Variants in MSI1 observed in about 807,000 individuals in gnomAD.
The protein encoded by MSI1 is musashi RNA binding protein 1.
A neutral mutation model predicts 54.4 loss-of-function variants in MSI1; 15 were observed. That is an observed-to-expected ratio of 0.28 (90% CI 0.18 to 0.42). MSI1 has a LOEUF of 0.42. Ranked by LOEUF, MSI1 falls within the 20% of genes least tolerant of loss-of-function variation. The probability of loss-of-function intolerance (pLI) is 1.00; values close to 1 mark genes in which losing one functional copy is unlikely to be tolerated. For missense variants in MSI1, 304 were observed against 506.0 expected, an observed-to-expected ratio of 0.60 and a Z score of 3.83; for synonymous variants, 200 against 196.5, an observed-to-expected ratio of 1.02 and a Z score of -0.15.
intron 7 of MSI1, among the ~76,000 whole-genome samples, chr12:120,358,217 A>G (rs1033169383): frequency 2.6e-5 from 4 of 152,264 alleles, no homozygotes; most frequent in African/African-American, 9.6e-5. Flanking sequence ...CAAAGAGGGA[A>G]GAAGGAACAC....
intron 7 of MSI1, among the ~76,000 whole-genome samples, chr12:120,358,505 C>T (rs1049760936): frequency 6.6e-6 from 1 of 152,242 alleles, no homozygotes; most frequent in African/African-American, 2.4e-5. Flanking sequence ...CCTGGGTGTG[C>T]CCCAGGGACT....
Position 120,368,604 on chromosome 12 carries a change from C to A in MSI1, c.100+229G>T, listed in dbSNP as rs921333687. ...CCGCCGGCGGGTCCCGGGGGCCCAGCCCACCCCCCGATACCCCCTGAACCC... is the reference window on the plus strand; with the variant it reads ...CCGCCGGCGGGTCCCGGGGGCCCAGACCACCCCCCGATACCCCCTGAACCC... On this transcript the variant is annotated intron_variant, in intron 2 of 14. Coordinates refer to ENST00000257552, the MANE Select transcript of MSI1 (RefSeq NM_002442.4). This position sits in a 1 kb window ranked among gnomAD's most constrained non-coding sequence, Gnocchi z 6.6. Among the ~76,000 whole-genome samples, 4 of 151,914 alleles carry A rather than the reference C, an allele frequency of 2.6e-5. No individual in the cohort carries two copies. The highest frequency in any genetic ancestry group is 5.9e-5 in the Non-Finnish European group (4 of 67,906).
chr12:120,360,270 CCA>C (rs1875522817), intron 6 of MSI1, among the ~76,000 whole-genome samples: 1 of 152,182 alleles, frequency 6.6e-6, no homozygotes, highest in Non-Finnish European at 1.5e-5. Context: ...CAGGCGTGAG[CCA>C]CCAGGCCCGA....
In MSI1 at chr12:120,341,705, T is replaced by C. The variant is rs2136868595; in HGVS notation, c.*1422A>G. On this transcript the variant is annotated 3_prime_UTR_variant, in exon 15 of 15. Transcript: ENST00000257552. ...CAGCCGCGCATCTCAGTAACAAAGA[T>C]TATTGCTTTGTGTTCTCAGGGCTGA... 6.6e-6 allele frequency: 1 copy of C among 150,852 alleles called. No individual in the cohort carries two copies. Among genetic ancestry groups the C allele is most frequent in the African/African-American group, 2.4e-5 (1 of 40,948 alleles). The allele number at this position is 150,852 out of a possible 1,614,324, so 9.3% of individuals were successfully genotyped here.
Position 120,363,066 on chromosome 12 carries a change from G to C in MSI1, c.379C>G (p.Gln127Glu), listed in dbSNP as rs1227350893. The change falls in exon 6 of 15, where the codon CAA becomes GAA. Residue 127 changes from glutamine (Q) to glutamate (E), a missense_variant. Physicochemically the swap from Gln to Glu is conservative, Grantham distance 29 (BLOSUM62 2). Transcript: ENST00000257552. ...SVNTTVEDVK[Q>E]YFEQFGKVDD... ...ACCTTCCCAAACTGCTCAAAATATT[G>C]CTTCACGTCCTCCACCGTGGTGTTC... The C allele has an allele frequency of 1.9e-6, 3 of 1,614,036 alleles. No homozygotes were observed. The East Asian group carries it at 6.7e-5, about 36-fold the overall frequency.
chr12:120,353,195 C>T, intron 10 of MSI1, 104 bp downstream of exon 10: 2 of 1,117,896 alleles, frequency 1.8e-6, no homozygotes, highest in East Asian at 4.8e-5. Flanking sequence ...AAGCCTCCAG[C>T]AAGCAGACCC....
At chr12:120,367,861 G>T in intron 4 of MSI1, 147 bp downstream of exon 4, 2 of 771,392 alleles carry the variant, frequency 2.6e-6, no homozygotes, top group Non-Finnish European at 4.1e-6. Context: ...TAGTGACAAA[G>T]TTTCAGAGCA....
At chr12:120,345,676 G>A in intron 13 of MSI1, 44 bp from the exon 14 acceptor site, 1 of 1,605,958 alleles carries the variant, frequency 6.2e-7, no homozygotes, top group Non-Finnish European at 8.5e-7. Flanking sequence ...GGGAAATAGA[G>A]GAAGATCAGG....
Position 120,345,608 on chromosome 12 carries a change from T to C in MSI1, c.1072A>G (p.Thr358Ala). Residue 358 changes from threonine (T) to alanine (A), a missense_variant, in exon 14 of 15, where the codon ACC becomes GCC. By Grantham distance (58) the Thr-to-Ala change is moderately conservative (BLOSUM62 0). This residue lies in a region of MSI1 where 147 missense variants were observed against 231.5 expected (regional missense o/e 0.64). Transcript: ENST00000257552. ...LGGPLIATAF[T>A]NGYH ...CCCCTGCTTCAGTGGTACCCATTGG[T>C]GAAGGCTGTGGCAATCAAAGGGCCC... 6.2e-7 allele frequency: 1 copy of C among 1,613,746 alleles called. No individual in the cohort carries two copies. The highest frequency in any genetic ancestry group is 8.5e-7 in the Non-Finnish European group (1 of 1,179,914).
Position 120,369,119 on chromosome 12 carries a change from G to GAGC in MSI1, c.-31_-29dup, listed in dbSNP as rs1372227327. ...GGAGCCGCGGGCGGCGCGGGCAGCG[G>GAGC]AGCGGCGGCGGCGGCGGCGGCGGCG... On this transcript the variant is annotated 5_prime_UTR_variant, in exon 1 of 15. Transcript: ENST00000257552. The GAGC allele has an allele frequency of 2.0e-6, 2 of 1,005,674 alleles. No homozygotes were observed. Among genetic ancestry groups the GAGC allele is most frequent in the African/African-American group, 1.8e-5 (1 of 56,886 alleles). 62.3% of individuals were successfully genotyped at this position (1,005,674 alleles called of 1,614,324 possible).
chr12:120,357,729 C>T, intron 8 of MSI1, 87 bp downstream of exon 8: 1 of 1,324,914 alleles, frequency 7.5e-7, no homozygotes, highest in Non-Finnish European at 1.1e-6. Flanking sequence ...TGGTCTCAAA[C>T]TCCTGACCTC....
intron 6 of MSI1, 88 bp downstream of exon 6, chr12:120,362,955 G>T: frequency 1.7e-6 from 2 of 1,148,122 alleles, no homozygotes; most frequent in Non-Finnish European, 2.6e-6. Flanking sequence ...TGCAGGAATG[G>T]AATGACCTGG....
Position 120,359,072 on chromosome 12 carries a change from T to C in MSI1, c.403-19A>G, listed in dbSNP as rs1875406759. 1 of 1,553,312 alleles carries C rather than the reference T, an allele frequency of 6.4e-7. No homozygotes were observed. The highest frequency in any genetic ancestry group is 2.0e-5 in the Admixed American group (1 of 51,006). The stretch of plus-strand genomic sequence containing the variant: ...CGTCCACCTGAAACACAGCCCGCCA[T>C]GGAGGACCCAGCAGATACCAGCGGA... On this transcript the variant is annotated intron_variant, in intron 6 of 14. Coordinates refer to ENST00000257552, the MANE Select transcript of MSI1 (RefSeq NM_002442.4).
intron 9 of MSI1, among the ~76,000 whole-genome samples, 165 bp from the exon 10 acceptor site, chr12:120,353,544 A>G (rs757164890): frequency 1.3e-5 from 2 of 152,212 alleles, no homozygotes; most frequent in Non-Finnish European, 2.9e-5. Flanking sequence ...AGCACACTGC[A>G]CACTATTATC....
At chr12:120,341,055 T>C (rs367888896), downstream of MSI1, among the ~76,000 whole-genome samples, 4 of 152,008 alleles carry the variant, frequency 2.6e-5, no homozygotes, top group South Asian at 6.2e-4. Context: ...TCGGCTAATT[T>C]TTGTATTTTT....
At chr12:120,348,587 A>G (rs1402315713) in intron 11 of MSI1, among the ~76,000 whole-genome samples, 1 of 150,918 alleles carries the variant, frequency 6.6e-6, no homozygotes, top group African/African-American at 2.4e-5. Context: ...TTTTGTAAAG[A>G]TAGGGTCTTG....
At chr12:120,358,460 G>T (rs1337249748) in intron 7 of MSI1, among the ~76,000 whole-genome samples, 5 of 152,146 alleles carry the variant, frequency 3.3e-5, no homozygotes, top group African/African-American at 1.2e-4. Flanking sequence ...TGGACTAAAA[G>T]TCCTGAAACA....
Position 120,363,088 on chromosome 12 carries a change from G to A in MSI1, c.357C>T (p.Asn119=). Reference sequence around the variant, plus strand: ...ATTGCTTCACGTCCTCCACCGTGGTGTTCACCGACAGCCCCCCCACAAAGA... The same window carrying A: ...ATTGCTTCACGTCCTCCACCGTGGTATTCACCGACAGCCCCCCCACAAAGA... ...KKIFVGGLSV[N]TTVEDVKQYF... Residue 119 remains asparagine, a synonymous_variant, in exon 6 of 15, where the codon AAC becomes AAT. Coordinates refer to ENST00000257552, the MANE Select transcript of MSI1 (RefSeq NM_002442.4). 1 of 1,614,092 alleles carries A rather than the reference G, an allele frequency of 6.2e-7. No homozygotes were observed. The highest frequency in any genetic ancestry group is 8.5e-7 in the Non-Finnish European group (1 of 1,180,010).
intron 5 of MSI1, among the ~76,000 whole-genome samples, chr12:120,363,603 G>A (rs2136981897): frequency 6.6e-6 from 1 of 152,270 alleles, no homozygotes; most frequent in South Asian, 2.1e-4. Flanking sequence ...AAGAACACAT[G>A]GTCCTAATTA....
Sources: allele counts gnomAD v4.1 joint callset (sites outside exome capture counted in the v4.1 genomes callset), GRCh38; gene constraint gnomAD v4.1.1; regional missense constraint gnomAD v4.1.1; non-coding constraint Gnocchi (gnomAD v3.1); transcripts MANE v1.5; gene names NCBI Gene and HGNC (gene_info 2026-07-23, HGNC 2026-07-21).